The following ST3GAL3 variants were observed in gnomAD, a reference collection of about 807,000 sequenced individuals.
The protein encoded by ST3GAL3 is ST3 beta-galactoside alpha-2,3-sialyltransferase 3.
ST3GAL3 carries 21 observed loss-of-function variants against 50.1 expected under a neutral mutation model. The ratio of observed to expected loss-of-function variants is 0.42; its 90% CI spans 0.30 to 0.60. The LOEUF (loss-of-function observed/expected upper bound fraction) is 0.60, where lower values mean the gene tolerates loss of function less well. ST3GAL3 is among the 20% of genes least tolerant of loss of function. The pLI is 0.19. For missense variants in ST3GAL3, 353 were observed against 489.4 expected, an observed-to-expected ratio of 0.72 and a Z score of 2.63; for synonymous variants, 183 against 190.0, an observed-to-expected ratio of 0.96 and a Z score of 0.30.
At chr1:43,733,024 G>A (rs1402288097) in intron 1 of ST3GAL3, among the ~76,000 whole-genome samples, 1 of 150,542 alleles carries the variant, frequency 6.6e-6, no homozygotes, top group Non-Finnish European at 1.5e-5. Context: ...TGTTGCCCAG[G>A]CTGATGTGCA....
At chr1:43,818,676 G>A (rs37463) in intron 4 of ST3GAL3, among the ~76,000 whole-genome samples, 69,093 of 151,814 alleles carry the variant, frequency 0.46, 15,888 homozygotes, top group Middle Eastern at 0.55. Context: ...CATTTATAAA[G>A]CAATTAAATA....
intron 1 of ST3GAL3, among the ~76,000 whole-genome samples, chr1:43,721,895 C>T (rs1186136882): frequency 6.6e-6 from 1 of 152,080 alleles, no homozygotes; most frequent in Non-Finnish European, 1.5e-5. Flanking sequence ...GCCACATACC[C>T]GGCCCCCTCA....
At chr1:43,753,848 A>G (rs1687074086) in intron 2 of ST3GAL3, among the ~76,000 whole-genome samples, 1 of 152,120 alleles carries the variant, frequency 6.6e-6, no homozygotes, top group East Asian at 1.9e-4. Flanking sequence ...GCTGGGTTGA[A>G]GGATGCTCAG....
rs527808622 is a variant in ST3GAL3 at position 43,872,824 on chromosome 1, G to C, written c.303-21559G>C. Reference sequence around the variant, plus strand: ...AAAGCAGGAATGGAAGTTAGAGAGGGGCTGCCATTTGAGATTGGGAAAGAC... The same window carrying C: ...AAAGCAGGAATGGAAGTTAGAGAGGCGCTGCCATTTGAGATTGGGAAAGAC... On this transcript the variant is annotated intron_variant, in intron 5 of 11. Transcript: ENST00000347631. Among the ~76,000 whole-genome samples the C allele has an allele frequency of 2.0e-5, 3 of 152,206 alleles. No individual in the cohort carries two copies. The South Asian group carries it at 6.2e-4, about 32-fold the overall frequency.
intron 4 of ST3GAL3, among the ~76,000 whole-genome samples, chr1:43,816,284 G>A (rs547174877): frequency 1.3e-5 from 2 of 152,270 alleles, no homozygotes; most frequent in South Asian, 2.1e-4. Context: ...ATGGTCTGGC[G>A]TCTGGCTTCT....
chr1:43,771,730 T>TTG (rs143955404), intron 2 of ST3GAL3, among the ~76,000 whole-genome samples: 8,778 of 145,012 alleles, frequency 0.061, 380 homozygotes, highest in African/African-American at 0.14. Context: ...TTTAATAAAG[T>TTG]TGTGTGTGTG....
chr1:43,738,872 G>A (rs1480088088), intron 2 of ST3GAL3: 1 of 152,018 alleles, frequency 6.6e-6, no homozygotes, highest in East Asian at 1.9e-4. Flanking sequence ...GTGAAATTTA[G>A]GCTGTGTTTT....
intron 2 of ST3GAL3, among the ~76,000 whole-genome samples, chr1:43,777,681 C>T (rs1448472133): frequency 6.6e-6 from 1 of 152,182 alleles, no homozygotes; most frequent in Non-Finnish European, 1.5e-5. Flanking sequence ...CAATACCATT[C>T]AGGACATAGG....
intron 2 of ST3GAL3, among the ~76,000 whole-genome samples, chr1:43,742,668 A>T (rs1419484238): frequency 1.3e-5 from 2 of 152,242 alleles, no homozygotes; most frequent in Non-Finnish European, 2.9e-5. Flanking sequence ...AGTAACTATT[A>T]TGAATATATT....
At chr1:43,786,478 C>A (rs935220343) in intron 2 of ST3GAL3, among the ~76,000 whole-genome samples, 2 of 152,146 alleles carry the variant, frequency 1.3e-5, no homozygotes, top group Admixed American at 6.5e-5. Context: ...TTCTCTTGAT[C>A]TTTTCTTAGC....
At chr1:43,774,531 G>A (rs1316216749) in intron 2 of ST3GAL3, among the ~76,000 whole-genome samples, 1 of 152,138 alleles carries the variant, frequency 6.6e-6, no homozygotes, top group East Asian at 1.9e-4. Context: ...AAGAATGAGA[G>A]GAGTCAAGGC....
chr1:43,879,086 A>G (rs1272763852), intron 5 of ST3GAL3: 6 of 455,820 alleles, frequency 1.3e-5, no homozygotes, highest in Admixed American at 1.2e-4. Context: ...CACTTTAGAC[A>G]GAAGAGTCAG....
chr1:43,850,785 A>G lies in ST3GAL3; in HGVS notation c.302+12474A>G, dbSNP rs554182951. 423 of 877,012 alleles carry G rather than the reference A, an allele frequency of 4.8e-4. 1 individual carries two copies. The Admixed American group carries it at 7.0e-3, about 15-fold the overall frequency. 54.3% of individuals were successfully genotyped at this position (877,012 alleles called of 1,614,324 possible). A position where few individuals can be genotyped will look rare whatever the true frequency, so the allele number is the denominator to read the frequency against. On this transcript the variant is annotated intron_variant, in intron 5 of 11. Coordinates refer to ENST00000347631, the MANE Select transcript of ST3GAL3 (RefSeq NM_006279.5). ...ATGGTGCTGATAAACTTCAAATTCC[A>G]GAGTCATAGCTTGCTTCAGGGCCAC...
chr1:43,902,045 C>G (rs999599231), intron 9 of ST3GAL3, among the ~76,000 whole-genome samples: 2 of 152,242 alleles, frequency 1.3e-5, no homozygotes, highest in East Asian at 1.9e-4. Flanking sequence ...CTAATGCCTT[C>G]CCAGGACCTC....
chr1:43,869,379 G>A (rs77986554), intron 5 of ST3GAL3, among the ~76,000 whole-genome samples: 6,423 of 152,156 alleles, frequency 0.042, 165 homozygotes, highest in East Asian at 0.13. Context: ...ATCTCTGCCC[G>A]TATAGGGTAT....
At chr1:43,845,273 G>C (rs1290275904) in intron 5 of ST3GAL3, among the ~76,000 whole-genome samples, 1 of 152,112 alleles carries the variant, frequency 6.6e-6, no homozygotes, top group East Asian at 1.9e-4. Flanking sequence ...GTGAGCCACT[G>C]TGCCTAGCCA....
chr1:43,774,325 A>ATT lies in ST3GAL3; in HGVS notation c.119-17774_119-17773dup, dbSNP rs527381938. On this transcript the variant is annotated intron_variant, in intron 2 of 11. Transcript: ENST00000347631. ...GAGCACATGGAACTATATATCTTAT[A>ATT]TTTTAATTTAAAAAGGAAGTATTTT... Among the ~76,000 whole-genome samples, 307 of 152,262 alleles carry ATT rather than the reference A, an allele frequency of 2.0e-3. 1 individual carries two copies. Among genetic ancestry groups the ATT allele is most frequent in the African/African-American group, 7.2e-3 (298 of 41,556 alleles).
chr1:43,797,799 G>A (rs774241977), intron 3 of ST3GAL3, among the ~76,000 whole-genome samples: 9 of 152,046 alleles, frequency 5.9e-5, no homozygotes, highest in African/African-American at 9.7e-5. Context: ...AAAATTAACC[G>A]TTTTCATAGA....
intron 4 of ST3GAL3, among the ~76,000 whole-genome samples, chr1:43,828,855 C>T (rs1049489495): frequency 3.3e-5 from 5 of 152,178 alleles, no homozygotes; most frequent in African/African-American, 4.8e-5. Context: ...CTTTGGAGCA[C>T]AGTTTGGCAG....
Sources: gnomAD v4.1 joint callset for allele counts (sites outside exome capture counted in the v4.1 genomes callset) on GRCh38, gnomAD v4.1.1 for gene constraint, MANE v1.5 for transcripts, NCBI Gene and HGNC (gene_info 2026-07-23, HGNC 2026-07-21) for gene names.